MXRA5: variants seen among roughly 807,000 people sequenced by gnomAD.
MXRA5 encodes matrix-remodeling-associated protein 5.
MXRA5 carries 41 observed loss-of-function variants against 112.5 expected under a neutral mutation model. That is an observed-to-expected ratio of 0.36 (90% CI 0.28 to 0.47). The LOEUF is 0.47. Among genes scored for constraint, MXRA5 ranks in the 20% least tolerant of loss-of-function variants. The pLI, the probability that MXRA5 is intolerant of heterozygous loss-of-function variation, is 0.99. For missense variants in MXRA5, 2,150 were observed against 2,251.0 expected, an observed-to-expected ratio of 0.96 and a Z score of 0.91; for synonymous variants, 862 against 900.8, an observed-to-expected ratio of 0.96 and a Z score of 0.77.
In MXRA5 at chrX:3,330,330, G is replaced by T. The variant is rs1367767743; in HGVS notation, c.397C>A (p.His133Asn). Residue 133 changes from histidine to asparagine, a missense_variant, in exon 4 of 7, where the codon CAC becomes AAC. Coordinates refer to ENST00000217939, the MANE Select transcript of MXRA5 (RefSeq NM_015419.4). ...AACTCGATCTTGTTGTGGTCAATGT[G>T]CAGCCTCATTAAGTTAGAGAGACCC... ...LQGLSNLMRLHIDHNKIEFIH... is the reference protein window; with the variant it reads ...LQGLSNLMRLNIDHNKIEFIH... 1 of 1,210,657 alleles carries T rather than the reference G, an allele frequency of 8.3e-7. No homozygotes were observed. The highest frequency in any genetic ancestry group is 1.8e-5 in the South Asian group (1 of 56,795).
chrX:3,343,886 A>G, intron 1 of MXRA5, 25 bp from the exon 2 acceptor site: 2 of 1,145,343 alleles, frequency 1.7e-6, no homozygotes, highest in Non-Finnish European at 2.3e-6. Flanking sequence ...CGAAGAGATG[A>G]GCTTATTCAC....
chrX:3,317,437 C>T lies in MXRA5; in HGVS notation c.6244G>A (p.Val2082Met), dbSNP rs1364958318. The change falls in exon 6 of 7, where the codon GTG (valine) becomes ATG (methionine). Residue 2082 changes from valine to methionine, a missense_variant. This residue lies in a region of MXRA5 where 1,485 missense variants were observed against 1,471.6 expected (regional missense o/e 1.01). Coordinates refer to ENST00000217939, the MANE Select transcript of MXRA5 (RefSeq NM_015419.4). ...KAAPLPSVRW[V>M]LGDGTQIRPS... The stretch of plus-strand genomic sequence containing the variant: ...CGGATCTGGGTACCGTCCCCGAGCA[C>T]CCAGCGCACGCTGGGCAGGGGCGCA... The T allele has an allele frequency of 5.0e-6, 6 of 1,197,981 alleles. No homozygotes were observed. The highest frequency in any genetic ancestry group is 6.7e-6 in the Non-Finnish European group (6 of 889,297).
intron 1 of MXRA5, among the ~76,000 whole-genome samples, chrX:3,345,585 G>GC (rs1213813387): frequency 1.8e-5 from 2 of 112,924 alleles, no homozygotes; most frequent in East Asian, 5.6e-4. Context: ...CAGGAAACTC[G>GC]CCCCCAGACA....
rs1920967719 is a variant in MXRA5 at position 3,309,765 on chromosome X, T to C, written c.8438A>G (p.Lys2813Arg). Residue 2813 changes from lysine to arginine, a missense_variant, in exon 7 of 7, where the codon AAA becomes AGA. Transcript: ENST00000217939. ...RDAGFYKCMAKNILGSDSKTT... is the reference protein window; with the variant it reads ...RDAGFYKCMARNILGSDSKTT... ...TTTGGAGTCACTGCCGAGAATGTTT[T>C]TTGCCATGCACTTGTAGAAGCCGGC... 1.7e-6 allele frequency: 2 copies of C among 1,211,815 alleles called. No individual in the cohort carries two copies. Among genetic ancestry groups the C allele is most frequent in the East Asian group, 5.9e-5 (2 of 33,833 alleles).
chrX:3,320,662 G>C lies in MXRA5; in HGVS notation c.5023C>G (p.Pro1675Ala). The C allele has an allele frequency of 2.5e-6, 3 of 1,211,915 alleles. No individual in the cohort carries two copies. Among genetic ancestry groups the C allele is most frequent in the Non-Finnish European group, 3.4e-6 (3 of 895,444 alleles). Residue 1675 changes from proline to alanine, a missense_variant, in exon 5 of 7, where the codon CCA becomes GCA. This residue lies in a region of MXRA5 where 1,485 missense variants were observed against 1,471.6 expected (regional missense o/e 1.01). Coordinates refer to ENST00000217939, the MANE Select transcript of MXRA5 (RefSeq NM_015419.4). ...PRLSSTTIPL[P>A]LHMSKPSIPS... is the part of the protein sequence containing the mutation. ...ATGCTGGGTTTGGACATGTGCAATG[G>C]GAGAGGAATTGTTGTACTTGATAAT...
At chrX:3,334,575 G>A (rs1377793779) in intron 2 of MXRA5, among the ~76,000 whole-genome samples, 3 of 111,655 alleles carry the variant, frequency 2.7e-5, no homozygotes, top group Non-Finnish European at 5.6e-5. Context: ...CTAAGAATTC[G>A]TGAGTTAAAA....
In MXRA5 at chrX:3,320,359, T is replaced by C. The variant is rs1011174456; in HGVS notation, c.5326A>G (p.Ser1776Gly). The C allele has an allele frequency of 8.3e-6, 10 of 1,210,167 alleles. No homozygotes were observed. The African/African-American group carries it at 1.7e-4, about 21-fold the overall frequency. The change falls in exon 5 of 7, where the codon AGC (serine) becomes GGC (glycine). Residue 1776 changes from serine (S) to glycine (G), a missense_variant. Ser to Gly is a moderately conservative substitution (Grantham distance 56). This residue lies in a region of MXRA5 where 1,485 missense variants were observed against 1,471.6 expected (regional missense o/e 1.01). Coordinates refer to ENST00000217939, the MANE Select transcript of MXRA5 (RefSeq NM_015419.4). ...PGSYNRIHSH[S>G]TFHLDFGPPA... ...GGGCCAAAGTCCAGATGGAAGGTGC[T>C]ATGGGAATGTATCCTGTTGTAGGAA...
rs1261130317 is a variant in MXRA5 at position 3,346,541 on chromosome X, G to C, written c.-55C>G. 6.6e-6 allele frequency: 5 copies of C among 753,250 alleles called. No individual in the cohort carries two copies. Among genetic ancestry groups the C allele is most frequent in the Non-Finnish European group, 7.8e-6 (5 of 639,090 alleles). The allele number at this position is 753,250 out of a possible 1,213,427, so 62.1% of individuals were successfully genotyped here. ...TGTCCTTGGGAAGCCGCCGCACACG[G>C]GAGCGGTGCGCCGGGAGCATCCACC... is the stretch of plus-strand genomic sequence containing the variant. On this transcript the variant is annotated 5_prime_UTR_variant, in exon 1 of 7. Transcript: ENST00000217939.
rs1189809068 is a variant in MXRA5, at chrX:3,317,092, G to C, written c.6578+11C>G. ...CCAGCGATTTACAGGAAGCCACGCA[G>C]AGCTGCCTACCTGAAGAGCGCGTCG... On this transcript the variant is annotated intron_variant, in intron 6 of 6. Transcript: ENST00000217939. 7.9e-6 allele frequency: 9 copies of C among 1,136,124 alleles called. No individual in the cohort carries two copies. In the Admixed American group the frequency reaches 8.4e-5, roughly 11 times the overall value. The allele number at this position is 1,136,124 out of a possible 1,213,427, so 93.6% of individuals were successfully genotyped here. A position where few individuals can be genotyped will look rare whatever the true frequency, so the allele number is the denominator to read the frequency against.
intron 6 of MXRA5, among the ~76,000 whole-genome samples, chrX:3,313,768 T>C (rs1921024718): frequency 8.9e-6 from 1 of 112,332 alleles, no homozygotes; most frequent in African/African-American, 3.2e-5. Flanking sequence ...TATACTGTTA[T>C]CCATTCAAAA....
At chrX:3,331,433 C>G (rs1431503805) in intron 2 of MXRA5, among the ~76,000 whole-genome samples, 2 of 112,078 alleles carry the variant, frequency 1.8e-5, no homozygotes, top group African/African-American at 6.5e-5. Context: ...TTCCACGTGT[C>G]TCTTTCTTGG....
chrX:3,329,991 G>T, intron 4 of MXRA5, 27 bp downstream of exon 4: 5 of 1,191,065 alleles, frequency 4.2e-6, no homozygotes, highest in Non-Finnish European at 5.6e-6. Context: ...GTGCAGCTAG[G>T]AGTGGTCTGC....
Position 3,321,849 on chromosome X carries a change from G to A in MXRA5, c.3836C>T (p.Pro1279Leu), listed in dbSNP as rs1338880030. The A allele has an allele frequency of 3.3e-6, 4 of 1,209,321 alleles. No individual in the cohort carries two copies. Among genetic ancestry groups the A allele is most frequent in the Non-Finnish European group, 4.5e-6 (4 of 894,997 alleles). ...CTCAGTTTTCAGAGAAACAGTTCTA[G>A]GCAAAAGTATAGTTTCTGAACTGGG... ...VTPSSETILL[P>L]RTVSLKTEGP... Residue 1279 changes from proline to leucine, a missense_variant, in exon 5 of 7, where the codon CCT (proline) becomes CTT (leucine). Pro to Leu is a moderately conservative substitution (Grantham distance 98). Coordinates refer to ENST00000217939, the MANE Select transcript of MXRA5 (RefSeq NM_015419.4).
intron 4 of MXRA5, among the ~76,000 whole-genome samples, chrX:3,325,371 GGAT>G (rs1395445606): frequency 9.2e-6 from 1 of 109,019 alleles, no homozygotes; most frequent in Non-Finnish European, 1.9e-5. Context: ...CTTGGTAAAA[GGAT>G]GAATCTTTGC....
chrX:3,314,890 A>AGATT (rs1921054024), intron 6 of MXRA5, among the ~76,000 whole-genome samples: 1 of 96,219 alleles, frequency 1.0e-5, no homozygotes, highest in African/African-American at 4.3e-5. Context: ...GCAGATAGAT[A>AGATT]GATAGATAGA....
chrX:3,316,058 CAGAA>C (rs1921110827), intron 6 of MXRA5, among the ~76,000 whole-genome samples: 1 of 31,001 alleles, frequency 3.2e-5, no homozygotes, highest in African/African-American at 1.8e-4. Flanking sequence ...AATTTCATTG[CAGAA>C]AAAGCACACA....
chrX:3,324,440 A>T lies in MXRA5; in HGVS notation c.1245T>A (p.Ala415=). Residue 415 remains alanine (A), a synonymous_variant, in exon 5 of 7, where the codon GCT becomes GCA. Coordinates refer to ENST00000217939, the MANE Select transcript of MXRA5 (RefSeq NM_015419.4). ...YQYRQDADEE[A]LYYTGVRAQI... ...GGGCTCTCACACCTGTGTAGTAAAG[A>T]GCTTCCTCATCAGCATCCTGCCTGT... The T allele has an allele frequency of 8.3e-7, 1 of 1,211,086 alleles. No individual in the cohort carries two copies. Among genetic ancestry groups the T allele is most frequent in the Non-Finnish European group, 1.1e-6 (1 of 895,358 alleles).
chrX:3,337,183 T>A (rs1921801966), intron 2 of MXRA5, among the ~76,000 whole-genome samples: 1 of 112,071 alleles, frequency 8.9e-6, no homozygotes, highest in African/African-American at 3.2e-5. Flanking sequence ...GGGCATGGCC[T>A]CATCATTTTA....
In MXRA5 at chrX:3,310,840, T is replaced by A. The variant is rs372023344; in HGVS notation, c.7363A>T (p.Ile2455Leu). 8.3e-7 allele frequency: 1 copy of A among 1,206,924 alleles called. No individual in the cohort carries two copies. The highest frequency in any genetic ancestry group is 1.8e-5 in the African/African-American group (1 of 56,551). Residue 2455 changes from isoleucine (I) to leucine (L), a missense_variant, in exon 7 of 7, where the codon ATA (isoleucine) becomes TTA (leucine). Ile to Leu is a conservative substitution (Grantham distance 5). This residue lies in a region of MXRA5 where 93 missense variants were observed against 135.5 expected (regional missense o/e 0.69). Coordinates refer to ENST00000217939, the MANE Select transcript of MXRA5 (RefSeq NM_015419.4). ...NPNPITTVRE[I>L]AAGGSRKLID... ...AGTTTCCGACTGCCCCCGGCTGCTA[T>A]CTCCCGCACAGTGGTGATGGGGTTG...
Sources: allele counts gnomAD v4.1 joint callset (sites outside exome capture counted in the v4.1 genomes callset), GRCh38; gene constraint gnomAD v4.1.1; regional missense constraint gnomAD v4.1.1; transcripts MANE v1.5; gene names NCBI Gene and HGNC (gene_info 2026-07-23, HGNC 2026-07-21).